Variants in MTRF1 observed in about 807,000 individuals in gnomAD.
The protein encoded by MTRF1 is peptide chain release factor 1, mitochondrial.
MTRF1 carries 51 observed loss-of-function variants against 62.9 expected under a neutral mutation model. The observed-to-expected ratio is 0.81, with a 90% CI of 0.65 to 1.02. The LOEUF (loss-of-function observed/expected upper bound fraction) is 1.02, where lower values mean the gene tolerates loss of function less well. Ranked by LOEUF, MTRF1 falls within the 50% of genes least tolerant of loss-of-function variation. MTRF1 has a pLI of 0.00. For synonymous variants in MTRF1, 158 were observed against 181.9 expected (o/e 0.87, Z 1.06); for missense variants, 446 against 530.0 (o/e 0.84, Z 1.56).
intron 7 of MTRF1, 44 bp downstream of exon 7, chr13:41,233,846 G>T: frequency 6.9e-7 from 1 of 1,449,558 alleles, no homozygotes; most frequent in Non-Finnish European, 9.7e-7. Flanking sequence ...TGCTGAGTAA[G>T]ATGGAAAAAG....
At chr13:41,295,872 C>T in the MTRF1 span, among the ~76,000 whole-genome samples, 38 of 152,296 alleles carry the variant, frequency 2.5e-4, no homozygotes, top group East Asian at 7.3e-3. Context: ...AAACTAGGCT[C>T]AAGTGATCCT....
chr13:41,238,045 A>T (rs1275467901), intron 6 of MTRF1, among the ~76,000 whole-genome samples: 1 of 152,218 alleles, frequency 6.6e-6, no homozygotes, highest in Non-Finnish European at 1.5e-5. Context: ...TTGAATTGGT[A>T]GTAATAATAT....
At chr13:41,266,775 G>A (rs1364812039), upstream of MTRF1, among the ~76,000 whole-genome samples, 3 of 151,960 alleles carry the variant, frequency 2.0e-5, no homozygotes, top group South Asian at 2.1e-4. Flanking sequence ...GGTGGATCAC[G>A]AGGTCAGGAG....
rs751818347 is a variant in MTRF1 at position 41,226,489 on chromosome 13, G to A, written c.1068C>T (p.Leu356=). Residue 356 remains leucine, a synonymous_variant, in exon 8 of 10, where the codon CTC becomes CTT. Transcript: ENST00000379480. The stretch of plus-strand genomic sequence containing the variant: ...TGTCTTTCTCAATAATCTGCTGGTA[G>A]AGTCTAGCTCTCAACACACGAAAGG... The part of the protein sequence containing the change: ...EIAFRVLRAR[L]YQQIIEKDKR... The A allele has an allele frequency of 1.2e-6, 2 of 1,613,762 alleles. No homozygotes were observed. Among genetic ancestry groups the A allele is most frequent in the Non-Finnish European group, 1.7e-6 (2 of 1,179,916 alleles).
At chr13:41,287,387 A>C in the MTRF1 span, among the ~76,000 whole-genome samples, 2 of 152,308 alleles carry the variant, frequency 1.3e-5, no homozygotes, top group African/African-American at 4.8e-5. Context: ...CTCACTTATC[A>C]CTAAGGGGAT....
intron 6 of MTRF1, among the ~76,000 whole-genome samples, chr13:41,237,835 G>T (rs941971560): frequency 1.3e-5 from 2 of 152,064 alleles, no homozygotes; most frequent in Non-Finnish European, 2.9e-5. Context: ...ATTCTAAGGG[G>T]AAAAATCTTA....
the MTRF1 span, among the ~76,000 whole-genome samples, chr13:41,273,039 A>G: frequency 1.6e-4 from 25 of 152,162 alleles, no homozygotes; most frequent in African/African-American, 5.8e-4. Context: ...GGTTAGAAGC[A>G]TCTATGGCTG....
At chr13:41,283,617 T>C in the MTRF1 span, among the ~76,000 whole-genome samples, 1 of 94,458 alleles carries the variant, frequency 1.1e-5, no homozygotes, top group Non-Finnish European at 1.9e-5. Flanking sequence ...TGAGACGGAG[T>C]CTCGCTCTGT....
the MTRF1 span, among the ~76,000 whole-genome samples, chr13:41,302,393 C>CAG: frequency 2.3e-5 from 2 of 87,150 alleles, no homozygotes; most frequent in African/African-American, 5.5e-5. Context: ...GGAGAAGTGG[C>CAG]AGAGAGAGAG....
intron 6 of MTRF1, chr13:41,235,245 C>T (rs970446051): frequency 3.3e-5 from 5 of 152,150 alleles, no homozygotes. Flanking sequence ...TGTGTGCCAC[C>T]ACGCTCAGCT....
At chr13:41,257,325 G>T (rs2039862851) in intron 2 of MTRF1, among the ~76,000 whole-genome samples, 1 of 152,148 alleles carries the variant, frequency 6.6e-6, no homozygotes, top group African/African-American at 2.4e-5. Context: ...TAGAGGTAGG[G>T]CTACAAGTTA....
chr13:41,231,282 G>A (rs1203690446), intron 7 of MTRF1, among the ~76,000 whole-genome samples: 3 of 152,190 alleles, frequency 2.0e-5, no homozygotes, highest in Admixed American at 6.5e-5. Flanking sequence ...GAGACACCAG[G>A]TATTTCAGAA....
chr13:41,292,130 A>G, the MTRF1 span, among the ~76,000 whole-genome samples: 50 of 152,236 alleles, frequency 3.3e-4, no homozygotes, highest in Non-Finnish European at 6.9e-4. Flanking sequence ...GAAGAGAGAG[A>G]GAGCGAGAGA....
the MTRF1 span, among the ~76,000 whole-genome samples, chr13:41,281,929 G>A: frequency 1.3e-5 from 2 of 152,212 alleles, no homozygotes; most frequent in African/African-American, 4.8e-5. Context: ...GAGGTCAGGA[G>A]ATCGAGACCA....
upstream of MTRF1, among the ~76,000 whole-genome samples, chr13:41,265,903 G>T (rs977951602): frequency 1.3e-5 from 2 of 152,108 alleles, no homozygotes; most frequent in African/African-American, 4.8e-5. Flanking sequence ...AGGCTGGAGT[G>T]CAGTGGCCTG....
intron 9 of MTRF1, chr13:41,220,718 G>T: frequency 1.5e-6 from 1 of 667,218 alleles, no homozygotes; most frequent in Non-Finnish European, 2.3e-6. Context: ...GCTTTTCTCT[G>T]TGTATCAATT....
the MTRF1 span, among the ~76,000 whole-genome samples, chr13:41,309,971 C>G: frequency 1.3e-5 from 2 of 151,946 alleles, no homozygotes; most frequent in Non-Finnish European, 2.9e-5. Context: ...ATTCCAGCCT[C>G]GGCAACAAGA....
At chr13:41,268,073 T>C (rs1244327221), upstream of MTRF1, among the ~76,000 whole-genome samples, 1 of 152,204 alleles carries the variant, frequency 6.6e-6, no homozygotes, top group Non-Finnish European at 1.5e-5. Flanking sequence ...TAAACAAATT[T>C]CTTATTATTC....
the MTRF1 span, among the ~76,000 whole-genome samples, chr13:41,293,772 A>C: frequency 6.6e-6 from 1 of 152,224 alleles, no homozygotes; most frequent in Non-Finnish European, 1.5e-5. Flanking sequence ...AATTTCCATA[A>C]ATGAACTTTT....
Sources: allele counts gnomAD v4.1 joint callset (sites outside exome capture counted in the v4.1 genomes callset), GRCh38; gene constraint gnomAD v4.1.1; transcripts MANE v1.5; gene names NCBI Gene and HGNC (gene_info 2026-07-23, HGNC 2026-07-21).